Variants in DCP1A observed in about 807,000 individuals in gnomAD.
DCP1A encodes the protein mRNA-decapping enzyme 1A.
A neutral mutation model predicts 58.0 loss-of-function variants in DCP1A; 20 were observed. That is an observed-to-expected ratio of 0.34 (90% CI 0.24 to 0.50). The LOEUF (loss-of-function observed/expected upper bound fraction) is 0.50, where lower values mean the gene tolerates loss of function less well. Among genes scored for constraint, DCP1A ranks in the 20% least tolerant of loss-of-function variants. The pLI, the probability that DCP1A is intolerant of heterozygous loss-of-function variation, is 0.98. For missense variants in DCP1A, 613 were observed against 712.2 expected (o/e 0.86, Z 1.59); for synonymous variants, 285 against 275.1 (o/e 1.04, Z -0.36).
At chr3:53,293,539 G>A (rs549812291) in intron 6 of DCP1A, among the ~76,000 whole-genome samples, 2 of 152,184 alleles carry the variant, frequency 1.3e-5, no homozygotes, top group Non-Finnish European at 2.9e-5. Context: ...CAGCAAGGGA[G>A]TAACAACAGT....
chr3:53,287,689 C>T (rs888298359), intron 9 of DCP1A, 29 bp from the exon 10 acceptor site: 42 of 1,497,130 alleles, frequency 2.8e-5, no homozygotes, highest in Admixed American at 2.7e-4. Flanking sequence ...GTTAAGGATA[C>T]GAATGCCACA....
chr3:53,300,378 G>A lies in DCP1A; in HGVS notation c.624+3799C>T, dbSNP rs1575598682. Among the ~76,000 whole-genome samples, 4 of 146,194 alleles carry A rather than the reference G, an allele frequency of 2.7e-5. No homozygotes were observed. The South Asian group carries it at 8.5e-4, about 31-fold the overall frequency. On this transcript the variant is annotated intron_variant, in intron 6 of 9. Transcript: ENST00000610213. The stretch of plus-strand genomic sequence containing the variant: ...TTGAGATGGAGTTTCACTCTTGTTG[G>A]CCAGGCTGGAGTGCAATGGCACAAT...
At chr3:53,327,393 T>C (rs1376386464) in intron 3 of DCP1A, among the ~76,000 whole-genome samples, 3 of 152,232 alleles carry the variant, frequency 2.0e-5, no homozygotes, top group Non-Finnish European at 4.4e-5. Context: ...ACACACGTCA[T>C]TTTATCACAA....
intron 4 of DCP1A, among the ~76,000 whole-genome samples, chr3:53,318,298 C>CT (rs1707870171): frequency 6.6e-6 from 1 of 151,842 alleles, no homozygotes; most frequent in South Asian, 2.1e-4. Context: ...GAGCGAGACT[C>CT]TGTCTAAAAA....
intron 5 of DCP1A, among the ~76,000 whole-genome samples, chr3:53,310,367 C>T (rs115194846): frequency 1.1e-4 from 16 of 152,310 alleles, no homozygotes; most frequent in Non-Finnish European, 2.1e-4. Context: ...GTCTTATTTC[C>T]TACTTTCTCG....
chr3:53,319,376 A>T (rs1553689634), intron 4 of DCP1A, 31 bp downstream of exon 4: 1 of 1,340,334 alleles, frequency 7.5e-7, no homozygotes, highest in East Asian at 2.5e-5. Flanking sequence ...CTCACATATC[A>T]TCAGTTAAAT....
intron 1 of DCP1A, among the ~76,000 whole-genome samples, chr3:53,345,398 G>A (rs72954820): frequency 0.043 from 6,607 of 152,116 alleles, 474 homozygotes; most frequent in African/African-American, 0.15. Context: ...GGGAGTTTTC[G>A]TACATTTTGA....
intron 6 of DCP1A, among the ~76,000 whole-genome samples, chr3:53,297,934 T>A (rs1457820474): frequency 1.3e-5 from 2 of 152,224 alleles, no homozygotes; most frequent in African/African-American, 4.8e-5. Context: ...AAATCTACTT[T>A]AAGTCAGGCA....
intron 3 of DCP1A, among the ~76,000 whole-genome samples, chr3:53,330,355 G>T (rs188280218): frequency 5.1e-4 from 78 of 152,110 alleles, no homozygotes; most frequent in Non-Finnish European, 1.0e-3. Context: ...AACACAGCAA[G>T]ACCCTATCAC....
chr3:53,327,601 C>T (rs146132149), intron 3 of DCP1A, among the ~76,000 whole-genome samples: 5,089 of 151,608 alleles, frequency 0.034, 124 homozygotes, highest in Non-Finnish European at 0.056. Flanking sequence ...ACCAGCCTGG[C>T]CAACATAGTA....
intron 3 of DCP1A, among the ~76,000 whole-genome samples, chr3:53,322,407 C>T (rs1391507541): frequency 6.6e-5 from 10 of 151,214 alleles, no homozygotes; most frequent in East Asian, 1.9e-4. Flanking sequence ...GCCGAGATCA[C>T]GCCACTGCAC....
At chr3:53,346,794 G>T (rs2089297469) in intron 1 of DCP1A, among the ~76,000 whole-genome samples, 1 of 152,062 alleles carries the variant, frequency 6.6e-6, no homozygotes. Context: ...CAGTGAACAC[G>T]GAAGCCCTTT....
chr3:53,341,761 G>A (rs1026841805), intron 3 of DCP1A, among the ~76,000 whole-genome samples: 1 of 152,052 alleles, frequency 6.6e-6, no homozygotes, highest in Non-Finnish European at 1.5e-5. Context: ...CTGGAGTACA[G>A]TGGCGCGATC....
chr3:53,323,861 C>CAAA lies in DCP1A; in HGVS notation c.305-4391_305-4389dup, dbSNP rs11451581. Among the ~76,000 whole-genome samples, 379 of 72,630 alleles carry CAAA rather than the reference C, an allele frequency of 5.2e-3. 3 individuals carry two copies. Among genetic ancestry groups the CAAA allele is most frequent in the African/African-American group, 0.013 (255 of 19,006 alleles). The allele number at this position is 72,630 out of a possible 152,430, so 47.6% of individuals were successfully genotyped here. ...TGGGTGACAGAACAAGACTCTGTCT[C>CAAA]AAAAAAAAAAAAAAAAAAAAAGTTT... On this transcript the variant is annotated intron_variant, in intron 3 of 9. Coordinates refer to ENST00000610213, the MANE Select transcript of DCP1A (RefSeq NM_018403.7).
At chr3:53,287,858 G>A (rs897850395) in intron 9 of DCP1A, among the ~76,000 whole-genome samples, 198 bp from the exon 10 acceptor site, 13 of 151,730 alleles carry the variant, frequency 8.6e-5, no homozygotes, top group Non-Finnish European at 1.9e-4. Context: ...TAAAAAAAGA[G>A]AAACAGTACT....
intron 1 of DCP1A, among the ~76,000 whole-genome samples, chr3:53,345,337 A>T (rs2089279158): frequency 1.3e-5 from 2 of 152,292 alleles, no homozygotes; most frequent in South Asian, 4.1e-4. Context: ...AGTTAATTTT[A>T]AAAAAGGAAA....
chr3:53,307,243 C>G (rs1707503426), intron 5 of DCP1A, among the ~76,000 whole-genome samples: 1 of 152,080 alleles, frequency 6.6e-6, no homozygotes, highest in African/African-American at 2.4e-5. Context: ...GCCACCACAC[C>G]CGGCCCCAGG....
chr3:53,288,311 C>T lies in DCP1A; in HGVS notation c.1450-28G>A, dbSNP rs137967603. 2.7e-4 allele frequency: 424 copies of T among 1,570,318 alleles called. No individual in the cohort carries two copies. In the East Asian group the frequency reaches 7.3e-3, roughly 27 times the overall value. On this transcript the variant is annotated intron_variant, in intron 8 of 9. Coordinates refer to ENST00000610213, the MANE Select transcript of DCP1A (RefSeq NM_018403.7). The stretch of plus-strand genomic sequence containing the variant: ...GGAGAGTGACAATGGTCATTTTGTA[C>T]CGAAGTGCAGAAGCCAGTAGCCAGG...
At chr3:53,342,023 T>C in intron 3 of DCP1A, 121 bp downstream of exon 3, 1 of 870,678 alleles carries the variant, frequency 1.1e-6, no homozygotes, top group Admixed American at 2.7e-5. Context: ...GACTCATTTA[T>C]AATCATTAAG....
Sources: gnomAD v4.1 joint callset for allele counts (sites outside exome capture counted in the v4.1 genomes callset) on GRCh38, gnomAD v4.1.1 for gene constraint, MANE v1.5 for transcripts, NCBI Gene and HGNC (gene_info 2026-07-23, HGNC 2026-07-21) for gene names.